AMN1: variants seen among roughly 807,000 people sequenced by gnomAD.
AMN1 encodes antagonist of mitotic exit network 1 homolog, also known as protein AMN1 homolog.
A neutral mutation model predicts 33.0 loss-of-function variants in AMN1; 20 were observed. The observed-to-expected ratio is 0.61, with a 90% confidence interval of 0.43 to 0.88. AMN1 has a LOEUF of 0.88. Among genes scored for constraint, AMN1 ranks in the 40% least tolerant of loss-of-function variants. The pLI is 0.00. For missense variants in AMN1, 246 were observed against 307.4 expected, an observed-to-expected ratio of 0.80 and a Z score of 1.49; for synonymous variants, 114 against 111.9, an observed-to-expected ratio of 1.02 and a Z score of -0.12.
At chr12:31,702,086 G>A in intron 2 of AMN1, 79 bp from the exon 3 acceptor site, 1 of 1,268,356 alleles carries the variant, frequency 7.9e-7, no homozygotes. Flanking sequence ...GTGTTTTGGT[G>A]GTCATAACAG....
At chr12:31,672,493 G>A in intron 6 of AMN1, 116 bp from the exon 7 acceptor site, 1 of 753,198 alleles carries the variant, frequency 1.3e-6, no homozygotes, top group South Asian at 1.6e-5. Flanking sequence ...GATTAAAGGA[G>A]GTGATCTATA....
At position 31,683,862 on chromosome 12, in the gene AMN1, T is replaced by C. The variant is rs1446543429; in HGVS notation, c.703+5145A>G. 6.6e-6 allele frequency among the ~76,000 whole-genome samples: 1 copy of C among 152,086 alleles called. No individual in the cohort carries two copies. The highest frequency in any genetic ancestry group is 1.5e-5 in the Non-Finnish European group (1 of 68,010). ...TACTTGGCAGACTATTTCATGAAAA[T>C]AGAAGAAATGAGGCTGTCATTTCAA... On this transcript the variant is annotated intron_variant, in intron 6 of 6. Transcript: ENST00000281471. The surrounding 1 kb of genome is among the most constrained non-coding windows in gnomAD (Gnocchi z 4.1).
upstream of AMN1, chr12:31,729,065 G>C: frequency 6.8e-7 from 1 of 1,464,836 alleles, no homozygotes; most frequent in Non-Finnish European, 9.2e-7. Context: ...CCCAGCCAGG[G>C]ACCGTCCGCC....
chr12:31,724,023 C>T (rs1939972201), intron 1 of AMN1, among the ~76,000 whole-genome samples: 1 of 152,198 alleles, frequency 6.6e-6, no homozygotes, highest in South Asian at 2.1e-4. Context: ...CTGACAATCA[C>T]TCCTGTTATA....
intron 5 of AMN1, among the ~76,000 whole-genome samples, chr12:31,690,950 A>G (rs541427580): frequency 3.4e-4 from 52 of 152,226 alleles, no homozygotes; most frequent in African/African-American, 1.2e-3. Flanking sequence ...CCTGGCTAAC[A>G]TGGTGAAACC....
At chr12:31,692,191 G>T (rs559484359) in intron 5 of AMN1, among the ~76,000 whole-genome samples, 33 of 151,382 alleles carry the variant, frequency 2.2e-4, no homozygotes, top group African/African-American at 7.7e-4. Context: ...CATTATTTTA[G>T]AAAAAGAACA....
chr12:31,720,290 C>T (rs1939833652), intron 1 of AMN1, among the ~76,000 whole-genome samples: 1 of 152,200 alleles, frequency 6.6e-6, no homozygotes, highest in Non-Finnish European at 1.5e-5. Context: ...CCTGTAATCC[C>T]AGTACTTTGG....
At chr12:31,719,282 G>T (rs1305593446) in intron 1 of AMN1, 30 of 841,248 alleles carry the variant, frequency 3.6e-5, no homozygotes, top group Non-Finnish European at 4.3e-5. Flanking sequence ...GCAGACTGGA[G>T]CTGTTCCCAT....
At chr12:31,675,145 CA>C (rs554413703) in intron 6 of AMN1, among the ~76,000 whole-genome samples, 5 of 149,736 alleles carry the variant, frequency 3.3e-5, no homozygotes, top group Non-Finnish European at 7.4e-5. Context: ...TGGCAGGATG[CA>C]GTGGCTCATG....
Position 31,726,199 on chromosome 12 carries a change from T to C in AMN1, c.38+2772A>G, listed in dbSNP as rs919218507. Reference sequence around the variant, plus strand: ...TTGGGGGGACGGAGTTTCGCTCTTGTTGCCCAAACTGGAGTGCAATGGTGC... The same window carrying C: ...TTGGGGGGACGGAGTTTCGCTCTTGCTGCCCAAACTGGAGTGCAATGGTGC... On this transcript the variant is annotated intron_variant, in intron 1 of 6. Transcript: ENST00000281471. Among the ~76,000 whole-genome samples the C allele has an allele frequency of 7.3e-5, 11 of 151,064 alleles. No homozygotes were observed. In the Middle Eastern group the frequency reaches 0.01, roughly 144 times the overall value.
At chr12:31,699,745 A>T (rs774225627) in intron 3 of AMN1, among the ~76,000 whole-genome samples, 1 of 152,184 alleles carries the variant, frequency 6.6e-6, no homozygotes, top group Non-Finnish European at 1.5e-5. Context: ...TTGGTCAGTC[A>T]TATGTACCAG....
At chr12:31,701,771 T>C in intron 3 of AMN1, 92 bp downstream of exon 3, 1 of 1,069,064 alleles carries the variant, frequency 9.4e-7, no homozygotes, top group Non-Finnish European at 1.3e-6. Flanking sequence ...GACTTCTTCA[T>C]ACTCTCTTTT....
At chr12:31,672,610 G>T in intron 6 of AMN1, 2 of 359,738 alleles carry the variant, frequency 5.6e-6, no homozygotes, top group Non-Finnish European at 1.0e-5. Context: ...AAAAAAAACA[G>T]GCATTTGTTG....
In AMN1 at chr12:31,706,306, C is replaced by T. The variant is rs143483769; in HGVS notation, c.171+2987G>A. 4.3e-3 allele frequency among the ~76,000 whole-genome samples: 477 copies of T among 112,066 alleles called. 2 individuals are homozygous for T. The highest frequency in any genetic ancestry group is 0.028 in the Middle Eastern group (5 of 178). The allele number at this position is 112,066 out of a possible 152,430, so 73.5% of individuals were successfully genotyped here. A position where few individuals can be genotyped will look rare whatever the true frequency, so the allele number is the denominator to read the frequency against. On this transcript the variant is annotated intron_variant, in intron 2 of 6. Coordinates refer to ENST00000281471, the MANE Select transcript of AMN1 (RefSeq NM_001113402.2). ...CAGCCTGGGTGAAACAGCAAGACTC[C>T]GTCTCAAAAAAAAAAAAAAAAAAAA... is the stretch of plus-strand genomic sequence containing the variant.
At chr12:31,676,147 C>T (rs1937685495) in intron 6 of AMN1, among the ~76,000 whole-genome samples, 1 of 151,606 alleles carries the variant, frequency 6.6e-6, no homozygotes. Flanking sequence ...AAGTGAAAAA[C>T]TTATACTCTG....
chr12:31,726,161 CTT>C (rs11384337), intron 1 of AMN1, among the ~76,000 whole-genome samples: 3 of 142,218 alleles, frequency 2.1e-5, no homozygotes, highest in Admixed American at 7.1e-5. Context: ...AGAGTAATTT[CTT>C]TTTTTTTTTT....
intron 1 of AMN1, among the ~76,000 whole-genome samples, chr12:31,721,960 G>A (rs1040000456): frequency 3.3e-5 from 5 of 152,182 alleles, no homozygotes; most frequent in African/African-American, 9.7e-5. Context: ...AACATTATCT[G>A]CCATCATGGC....
chr12:31,675,809 G>A (rs548768436), intron 6 of AMN1, among the ~76,000 whole-genome samples: 1 of 151,726 alleles, frequency 6.6e-6, no homozygotes, highest in South Asian at 2.1e-4. Context: ...TACCCGCCAG[G>A]ATGTCCACTC....
At chr12:31,674,685 A>G (rs1163523801) in intron 6 of AMN1, among the ~76,000 whole-genome samples, 1 of 152,086 alleles carries the variant, frequency 6.6e-6, no homozygotes, top group African/African-American at 2.4e-5. Flanking sequence ...ATTCTAATAG[A>G]ACAAAGAACT....
Sources: allele counts gnomAD v4.1 joint callset (sites outside exome capture counted in the v4.1 genomes callset), GRCh38; gene constraint gnomAD v4.1.1; non-coding constraint Gnocchi (gnomAD v3.1); transcripts MANE v1.5; gene names NCBI Gene and HGNC (gene_info 2026-07-23, HGNC 2026-07-21).